Variants in WWTR1 observed in about 807,000 individuals in gnomAD.
The protein encoded by WWTR1 is WW domain containing transcription regulator 1, also known as WW domain-containing transcription regulator protein 1.
In WWTR1, 13 loss-of-function variants were observed where a neutral mutation model predicts 40.1. That is an observed-to-expected ratio of 0.32 (90% CI 0.21 to 0.52). WWTR1 has a LOEUF of 0.52. Among genes scored for constraint, WWTR1 ranks in the 20% least tolerant of loss-of-function variants. The pLI is 0.97. For missense variants in WWTR1, 436 were observed against 523.1 expected (o/e 0.83, Z 1.63); for synonymous variants, 230 against 210.1 (o/e 1.09, Z -0.82).
intron 2 of WWTR1, among the ~76,000 whole-genome samples, chr3:149,592,624 T>C (rs1738783761): frequency 6.6e-6 from 1 of 152,210 alleles, no homozygotes; most frequent in Non-Finnish European, 1.5e-5. Context: ...TAAATATATA[T>C]ACATATGTAA....
intron 1 of WWTR1, among the ~76,000 whole-genome samples, chr3:149,680,008 T>C (rs1201167570): frequency 6.6e-6 from 1 of 152,190 alleles, no homozygotes; most frequent in Non-Finnish European, 1.5e-5. Context: ...TGTGTGAATG[T>C]GGGAAAGTTA....
intron 5 of WWTR1, among the ~76,000 whole-genome samples, chr3:149,714,657 G>A (rs1715558821): frequency 6.6e-6 from 1 of 152,238 alleles, no homozygotes; most frequent in Non-Finnish European, 1.5e-5. Flanking sequence ...ACCATGAACA[G>A]CAGCAGGAAG....
chr3:149,637,414 A>G (rs1221232349), intron 2 of WWTR1, among the ~76,000 whole-genome samples: 1 of 151,606 alleles, frequency 6.6e-6, no homozygotes, highest in Non-Finnish European at 1.5e-5. Flanking sequence ...TATTTTTAGT[A>G]GAGACGGGGT....
chr3:149,520,555 C>A lies in WWTR1; in HGVS notation c.*250G>T. The A allele has an allele frequency of 2.9e-6, 1 of 347,500 alleles. No homozygotes were observed. The highest frequency in any genetic ancestry group is 4.7e-5 in the Admixed American group (1 of 21,064). 21.5% of individuals were successfully genotyped at this position (347,500 alleles called of 1,614,324 possible). A position where few individuals can be genotyped will look rare whatever the true frequency, so the allele number is the denominator to read the frequency against. ...TATTCTGCATAATCAATCCTGCAGACACAATTCTGTATAATCTGTCACAAG... is the reference window on the plus strand; with the variant it reads ...TATTCTGCATAATCAATCCTGCAGAAACAATTCTGTATAATCTGTCACAAG... On this transcript the variant is annotated 3_prime_UTR_variant, in exon 7 of 7. Transcript: ENST00000360632.
intron 6 of WWTR1, among the ~76,000 whole-genome samples, chr3:149,521,509 A>G (rs1735044925): frequency 6.6e-6 from 1 of 152,218 alleles, no homozygotes; most frequent in Non-Finnish European, 1.5e-5. Context: ...CCTACACCCT[A>G]CAACTATCTG....
chr3:149,531,082 G>A (rs1477887618), intron 4 of WWTR1, among the ~76,000 whole-genome samples: 1 of 152,048 alleles, frequency 6.6e-6, no homozygotes, highest in Non-Finnish European at 1.5e-5. Context: ...CTACAGGCAT[G>A]TGCCACCACG....
At chr3:149,698,275 C>G (rs781009344) in intron 1 of WWTR1, among the ~76,000 whole-genome samples, 2 of 152,106 alleles carry the variant, frequency 1.3e-5, no homozygotes, top group African/African-American at 4.8e-5. Context: ...ATACTGTTCT[C>G]GTGATAGTGA....
intron 1 of WWTR1, chr3:149,670,659 G>GAA (rs1410316477): frequency 1.5e-5 from 2 of 135,524 alleles, no homozygotes; most frequent in East Asian, 2.2e-4. Flanking sequence ...AAAAAAAAAA[G>GAA]AAAAGAAAAG....
intron 2 of WWTR1, among the ~76,000 whole-genome samples, chr3:149,592,569 C>A (rs1484538156): frequency 2.0e-5 from 3 of 151,984 alleles, no homozygotes; most frequent in Non-Finnish European, 4.4e-5. Flanking sequence ...AGAGATTAAT[C>A]GGCATATATC....
chr3:149,541,812 A>T (rs979001808), intron 4 of WWTR1, among the ~76,000 whole-genome samples: 1 of 152,120 alleles, frequency 6.6e-6, no homozygotes. Context: ...AGCTTAGCCC[A>T]GTCTTCCAGC....
At chr3:149,595,579 G>C (rs1738962295) in intron 2 of WWTR1, among the ~76,000 whole-genome samples, 1 of 151,998 alleles carries the variant, frequency 6.6e-6, no homozygotes, top group Admixed American at 6.5e-5. Context: ...TATATGGTGG[G>C]TCATTACCCT....
intron 2 of WWTR1, among the ~76,000 whole-genome samples, chr3:149,630,307 C>T (rs1359725916): frequency 2.0e-5 from 3 of 152,100 alleles, no homozygotes; most frequent in African/African-American, 7.2e-5. Flanking sequence ...TATAAAATTA[C>T]AGTCTGTCAT....
chr3:149,685,952 A>G (rs918602617), intron 1 of WWTR1, among the ~76,000 whole-genome samples: 3 of 152,156 alleles, frequency 2.0e-5, no homozygotes, highest in Non-Finnish European at 4.4e-5. Flanking sequence ...CAATGCAAAA[A>G]AATGCTATTG....
At chr3:149,650,286 A>G (rs1432871701) in intron 2 of WWTR1, 6 of 152,324 alleles carry the variant, frequency 3.9e-5, no homozygotes, top group African/African-American at 1.4e-4. Context: ...TGGGCCACAC[A>G]ATTGGCATGA....
intron 1 of WWTR1, among the ~76,000 whole-genome samples, chr3:149,698,205 C>A (rs940947008): frequency 3.9e-5 from 6 of 152,164 alleles, no homozygotes; most frequent in Admixed American, 2.0e-4. Context: ...TTGTAATAAT[C>A]CCCATGTGTC....
At chr3:149,677,206 G>A (rs903354615) in intron 1 of WWTR1, among the ~76,000 whole-genome samples, 6 of 152,090 alleles carry the variant, frequency 3.9e-5, no homozygotes, top group African/African-American at 9.6e-5. Context: ...GTGAGCCACC[G>A]CACCCGGCTG....
intron 2 of WWTR1, among the ~76,000 whole-genome samples, chr3:149,582,935 G>A (rs1346983712): frequency 1.3e-5 from 2 of 152,086 alleles, no homozygotes; most frequent in African/African-American, 4.8e-5. Flanking sequence ...GTAGAGAAAA[G>A]ATGAGACGCT....
At chr3:149,634,929 C>T (rs1711735479) in intron 2 of WWTR1, among the ~76,000 whole-genome samples, 1 of 152,212 alleles carries the variant, frequency 6.6e-6, no homozygotes, top group South Asian at 2.1e-4. Flanking sequence ...TGAGGCCAAA[C>T]CTTGAATTGA....
intron 2 of WWTR1, among the ~76,000 whole-genome samples, chr3:149,589,589 T>A (rs1738600374): frequency 6.6e-6 from 1 of 151,990 alleles, no homozygotes; most frequent in African/African-American, 2.4e-5. Context: ...CCATCATAAT[T>A]ACCAGAGGAA....
Sources: allele counts gnomAD v4.1 joint callset (sites outside exome capture counted in the v4.1 genomes callset), GRCh38; gene constraint gnomAD v4.1.1; transcripts MANE v1.5; gene names NCBI Gene and HGNC (gene_info 2026-07-23, HGNC 2026-07-21).